ZNF500: variants seen among roughly 807,000 people sequenced by gnomAD.
ZNF500 encodes zinc finger protein 500.
Under a neutral mutation model 30.1 loss-of-function variants are expected in ZNF500, and 31 were observed. The observed-to-expected ratio is 1.03, with a 90% CI of 0.77 to 1.39. ZNF500 has a LOEUF of 1.39. Ranked by LOEUF, ZNF500 falls within the 40% of genes most tolerant of loss-of-function variation. The pLI is 0.00. For synonymous variants in ZNF500, 392 were observed against 282.0 expected (o/e 1.39, Z -3.91); for missense variants, 817 against 657.8 (o/e 1.24, Z -2.65).
At chr16:4,765,416 C>G (rs2082253094) in intron 2 of ZNF500, 149 bp downstream of exon 2, 2 of 1,119,552 alleles carry the variant, frequency 1.8e-6, no homozygotes, top group African/African-American at 3.1e-5. Flanking sequence ...TTAGCCAAGG[C>G]TGAGAAATCT....
rs1341078781 is a variant in ZNF500, at chr16:4,766,560, G to A, written c.-99+457C>T. On this transcript the variant is annotated intron_variant, in intron 1 of 5. Transcript: ENST00000219478. Reference sequence around the variant, plus strand: ...CGCTTGAACCCGGGAGATGGAGGTTGCAGTGAACTGAGATAGCGCCACTGC... The same window carrying A: ...CGCTTGAACCCGGGAGATGGAGGTTACAGTGAACTGAGATAGCGCCACTGC... Among the ~76,000 whole-genome samples the A allele has an allele frequency of 5.9e-5, 9 of 152,314 alleles. No individual in the cohort carries two copies. In the East Asian group the frequency reaches 1.5e-3, roughly 26 times the overall value.
In ZNF500 at chr16:4,752,560, T is replaced by C; in HGVS notation, c.1259A>G (p.Asn420Ser). The C allele has an allele frequency of 1.9e-6, 3 of 1,574,738 alleles. No homozygotes were observed. The highest frequency in any genetic ancestry group is 2.6e-6 in the Non-Finnish European group (3 of 1,163,100). Residue 420 changes from asparagine to serine, a missense_variant, in exon 6 of 6, where the codon AAC (asparagine) becomes AGC (serine). Physicochemically the swap from Asn to Ser is conservative, Grantham distance 46. Transcript: ENST00000219478. ...GCGGTGGGCGCTGAAGTGCGAGCTG[T>C]TGTTGAAGCGCTTCCCGCACTGGGT... ...ACTQCGKRFNNSSHFSAHRRT... is the reference protein window; with the variant it reads ...ACTQCGKRFNSSSHFSAHRRT...
At chr16:4,747,451 G>C (rs1405589187), downstream of ZNF500, 1 of 1,613,174 alleles carries the variant, frequency 6.2e-7, no homozygotes, top group Non-Finnish European at 8.5e-7. Context: ...GGAGGGCTCA[G>C]GCCCCTGAAG....
Position 4,760,491 on chromosome 16 carries a change from C to T in ZNF500, c.760+1G>A. The T allele has an allele frequency of 1.2e-6, 2 of 1,613,400 alleles. No homozygotes were observed. The highest frequency in any genetic ancestry group is 1.7e-6 in the Non-Finnish European group (2 of 1,179,640). ...AGAGGACACAATCACTTGCAAGTTA[C>T]CTTCATTCTCCAGCGGCGCGTCCCG... is the stretch of plus-strand genomic sequence containing the variant. On this transcript the variant is annotated splice_donor_variant, in intron 5 of 5. Transcript: ENST00000219478. LOFTEE classifies it high-confidence loss of function.
downstream of ZNF500, chr16:4,747,435 C>G (rs375845445): frequency 6.2e-7 from 1 of 1,613,028 alleles, no homozygotes; most frequent in Admixed American, 1.7e-5. Flanking sequence ...AAGGGGCCCG[C>G]GGGTGGGAGG....
chr16:4,766,522 G>C (rs1448061458), intron 1 of ZNF500, among the ~76,000 whole-genome samples: 1 of 152,206 alleles, frequency 6.6e-6, no homozygotes, highest in Admixed American at 6.5e-5. Context: ...TCGGGAGGCT[G>C]AGACAGGAGA....
Position 4,762,612 on chromosome 16 carries a change from G to A in ZNF500, c.559C>T (p.His187Tyr). 6 of 1,614,012 alleles carry A rather than the reference G, an allele frequency of 3.7e-6. No homozygotes were observed. Among genetic ancestry groups the A allele is most frequent in the Non-Finnish European group, 5.1e-6 (6 of 1,179,958 alleles). ...SSQQPPAQLS[H>Y]RPQRGPLLWP... The stretch of plus-strand genomic sequence containing the variant: ...AACAGCGGGCCCCTCTGTGGCCTGT[G>A]GCTCAGCTGGGCTGGGGGCTGCTGG... Residue 187 changes from histidine to tyrosine, a missense_variant, in exon 3 of 6, where the codon CAC becomes TAC. His to Tyr is a moderately conservative substitution (Grantham distance 83). Transcript: ENST00000219478.
chr16:4,762,259 C>T lies in ZNF500; in HGVS notation c.663+12G>A. ...ACCCCAGGATGCTGCAGACCAGGAG[C>T]ATCCCACTCACCTGGGACCAGGCCG... On this transcript the variant is annotated intron_variant, in intron 4 of 5. Coordinates refer to ENST00000219478, the MANE Select transcript of ZNF500 (RefSeq NM_021646.4). 6.2e-7 allele frequency: 1 copy of T among 1,610,428 alleles called. No homozygotes were observed. Among genetic ancestry groups the T allele is most frequent in the Admixed American group, 1.7e-5 (1 of 59,530 alleles).
At position 4,765,922 on chromosome 16, in the gene ZNF500, C is replaced by T. The variant is rs774576650; in HGVS notation, c.57G>A (p.Gln19=). 15 of 1,609,064 alleles carry T rather than the reference C, an allele frequency of 9.3e-6. No individual in the cohort carries two copies. The highest frequency in any genetic ancestry group is 8.5e-7 in the Non-Finnish European group (1 of 1,178,044). Residue 19 remains glutamine, a synonymous_variant, in exon 2 of 6, where the codon CAG becomes CAA. Coordinates refer to ENST00000219478, the MANE Select transcript of ZNF500 (RefSeq NM_021646.4). ...CCACCTTCACAATCAGGATCTCTTC[C>T]TGTTCCAGGTCCTGCTCCAAGGTTG... ...PLPTLEQDLE[Q]EEILIVKVEE... is the part of the protein sequence containing the mutation.
downstream of ZNF500, chr16:4,747,018 G>A (rs777292104): frequency 2.2e-5 from 34 of 1,530,936 alleles, no homozygotes; most frequent in South Asian, 4.1e-4. Context: ...TTCCTCCCTG[G>A]GGCTACGGTA....
chr16:4,765,697 C>T lies in ZNF500; in HGVS notation c.282G>A (p.Val94=), dbSNP rs189143193. ...RTKEQILELL[V]LEQFLTVLPG... ...GCAGCACAGTCAGGAACTGCTCCAG[C>T]ACCAGCAGCTCCAGGATCTGCTCCT... is the stretch of plus-strand genomic sequence containing the variant. The change falls in exon 2 of 6, where the codon GTG becomes GTA. Residue 94 remains valine (V), a synonymous_variant. Coordinates refer to ENST00000219478, the MANE Select transcript of ZNF500 (RefSeq NM_021646.4). The T allele has an allele frequency of 1.9e-4, 299 of 1,613,236 alleles. No homozygotes were observed. Among genetic ancestry groups the T allele is most frequent in the Admixed American group, 5.7e-4 (34 of 60,024 alleles).
At chr16:4,764,107 C>T (rs563210421) in intron 2 of ZNF500, 25 of 985,246 alleles carry the variant, frequency 2.5e-5, no homozygotes, top group Non-Finnish European at 3.0e-5. Context: ...TGGAGAGGCA[C>T]TGTCTATAGA....
In ZNF500 at chr16:4,761,510, CACACACACACACACACAT is replaced by C. The variant is rs1353680180; in HGVS notation, c.663+743_663+760del. 5.8e-4 allele frequency among the ~76,000 whole-genome samples: 83 copies of C among 144,118 alleles called. 1 individual carries two copies. Among genetic ancestry groups the C allele is most frequent in the African/African-American group, 2.0e-3 (71 of 36,078 alleles). 94.5% of individuals were successfully genotyped at this position (144,118 alleles called of 152,430 possible). On this transcript the variant is annotated intron_variant, in intron 4 of 5. Transcript: ENST00000219478. ...ACACACACACACACACACACACACACACACACACACACACACATATAAAAATTATAAATAAATAAATAA... is the reference window on the plus strand; with the variant it reads ...ACACACACACACACACACACACACACATAAAAATTATAAATAAATAAATAA...
chr16:4,761,950 G>A (rs1000259365), intron 4 of ZNF500, among the ~76,000 whole-genome samples: 3 of 152,190 alleles, frequency 2.0e-5, no homozygotes, highest in African/African-American at 7.2e-5. Context: ...GGTGTGGGAG[G>A]AAGCTGTGTT....
chr16:4,762,206 A>C, intron 4 of ZNF500, 65 bp downstream of exon 4: 1 of 1,552,636 alleles, frequency 6.4e-7, no homozygotes, highest in East Asian at 2.3e-5. Context: ...CTTAACAAGG[A>C]AGTGTGACAC....
At chr16:4,747,047 GC>G (rs1304010025), downstream of ZNF500, 12 of 1,505,804 alleles carry the variant, frequency 8.0e-6, no homozygotes, top group Non-Finnish European at 1.1e-5. Context: ...GGGGCCTCTC[GC>G]CACCTGCAGA....
At position 4,751,562 on chromosome 16, in the gene ZNF500, G is replaced by A. The variant is rs779807119; in HGVS notation, c.*814C>T. On this transcript the variant is annotated 3_prime_UTR_variant, in exon 6 of 6. Transcript: ENST00000219478. ...GAAACTCTGGCAGGATGAAGAAGCT[G>A]GAGACCACGTCCTGGGAAGGCTGGG... 11 of 1,532,062 alleles carry A rather than the reference G, an allele frequency of 7.2e-6. No individual in the cohort carries two copies. The highest frequency in any genetic ancestry group is 7.0e-6 in the Non-Finnish European group (8 of 1,145,820). The allele number at this position is 1,532,062 out of a possible 1,614,324, so 94.9% of individuals were successfully genotyped here. A position where few individuals can be genotyped will look rare whatever the true frequency, so the allele number is the denominator to read the frequency against.
rs1423924652 is a variant in ZNF500 at position 4,752,160 on chromosome 16, C to G, written c.*216G>C. 4 of 1,385,364 alleles carry G rather than the reference C, an allele frequency of 2.9e-6. No homozygotes were observed. Among genetic ancestry groups the G allele is most frequent in the African/African-American group, 2.9e-5 (2 of 68,858 alleles). The allele number at this position is 1,385,364 out of a possible 1,614,324, so 85.8% of individuals were successfully genotyped here. Reference sequence around the variant, plus strand: ...TGCTCTGTGTCACCTGTTCTGGCTGCCACTGGACACTCAGAGCCTGTCCTT... The same window carrying G: ...TGCTCTGTGTCACCTGTTCTGGCTGGCACTGGACACTCAGAGCCTGTCCTT... On this transcript the variant is annotated 3_prime_UTR_variant, in exon 6 of 6. Transcript: ENST00000219478.
At chr16:4,759,721 G>A (rs564646144) in intron 5 of ZNF500, among the ~76,000 whole-genome samples, 1 of 152,066 alleles carries the variant, frequency 6.6e-6, no homozygotes, top group Admixed American at 6.6e-5. Context: ...AATACAAAGC[G>A]ATATCTCACT....
Sources: allele counts gnomAD v4.1 joint callset (sites outside exome capture counted in the v4.1 genomes callset), GRCh38; gene constraint gnomAD v4.1.1; transcripts MANE v1.5; gene names NCBI Gene and HGNC (gene_info 2026-07-23, HGNC 2026-07-21).